Variants in PCDHA3 observed in about 807,000 individuals in gnomAD.
The protein encoded by PCDHA3 is protocadherin alpha-3.
Under a neutral mutation model 62.2 loss-of-function variants are expected in PCDHA3, and 41 were observed. The observed-to-expected ratio is 0.66, with a 90% CI of 0.51 to 0.86. The LOEUF is 0.86. PCDHA3 is among the 40% of genes least tolerant of loss of function. The pLI is 0.00. For synonymous variants in PCDHA3, 640 were observed against 555.4 expected (o/e 1.15, Z -2.14); for missense variants, 1,304 against 1,241.2 (o/e 1.05, Z -0.76).
rs2150155445 is a variant in PCDHA3, at chr5:140,828,452, G to A, written c.2394+24861G>A. ...GCCGCTGCAGGTTTTCCATGTGGAC[G>A]TGGAGGTGAGGGACATTAACGACAA... On this transcript the variant is annotated intron_variant, in intron 1 of 3. Coordinates refer to ENST00000522353, the MANE Select transcript of PCDHA3 (RefSeq NM_018906.3). The A allele has an allele frequency of 2.5e-6, 4 of 1,614,166 alleles. No individual in the cohort carries two copies. In the South Asian group the frequency reaches 4.4e-5, roughly 18 times the overall value.
intron 1 of PCDHA3, among the ~76,000 whole-genome samples, chr5:140,888,308 G>A (rs1383199158): frequency 1.3e-5 from 2 of 152,106 alleles, no homozygotes; most frequent in Non-Finnish European, 2.9e-5. Flanking sequence ...AGATAATTTG[G>A]CAATGCCTGG....
chr5:140,834,228 G>A (rs1772850652), intron 1 of PCDHA3: 1 of 716,682 alleles, frequency 1.4e-6, no homozygotes. Flanking sequence ...GCAAAAGGAA[G>A]TCATTCCTTT....
intron 1 of PCDHA3, chr5:140,884,384 G>C: frequency 6.2e-7 from 1 of 1,613,972 alleles, no homozygotes; most frequent in Non-Finnish European, 8.5e-7. Context: ...TGCCATCTGC[G>C]CGGTGTCCAG....
At chr5:140,979,779 G>C (rs778402540) in intron 2 of PCDHA3, among the ~76,000 whole-genome samples, 1 of 152,186 alleles carries the variant, frequency 6.6e-6, no homozygotes, top group Non-Finnish European at 1.5e-5. Flanking sequence ...AAATGGGAAG[G>C]ACCAAGAAAC....
At chr5:140,868,420 A>C (rs1554161960) in intron 1 of PCDHA3, 1 of 152,238 alleles carries the variant, frequency 6.6e-6, no homozygotes, top group Non-Finnish European at 1.5e-5. Flanking sequence ...AAGCCCACAG[A>C]GATGAGAATA....
chr5:140,968,608 T>A, intron 1 of PCDHA3: 1 of 1,614,242 alleles, frequency 6.2e-7, no homozygotes, highest in Non-Finnish European at 8.5e-7. Flanking sequence ...ACTCAGACTC[T>A]GGGCAAAATG....
chr5:140,824,626 T>G (rs2150135985), intron 1 of PCDHA3: 1 of 133,454 alleles, frequency 7.5e-6, no homozygotes, highest in South Asian at 2.3e-4. Context: ...TTTTTTTTTT[T>G]TTTTTTATTT....
chr5:140,875,173 A>G (rs567403390), intron 1 of PCDHA3: 75 of 394,970 alleles, frequency 1.9e-4, no homozygotes, highest in Non-Finnish European at 2.9e-4. Context: ...AAGTCGAAAC[A>G]TTAGAATTAA....
intron 1 of PCDHA3, chr5:140,808,887 C>T (rs782248203): frequency 5.6e-6 from 9 of 1,613,172 alleles, no homozygotes; most frequent in Non-Finnish European, 7.6e-6. Context: ...GCACTGCTAG[C>T]GCCTCGGGCG....
At chr5:140,914,964 T>A (rs1328203928) in intron 1 of PCDHA3, among the ~76,000 whole-genome samples, 18 of 131,662 alleles carry the variant, frequency 1.4e-4, no homozygotes, top group Non-Finnish European at 3.0e-4. Context: ...TTTTTTTTTC[T>A]GAGTCAGAGT....
intron 3 of PCDHA3, among the ~76,000 whole-genome samples, chr5:140,994,539 CA>C (rs35651294): frequency 0.48 from 72,467 of 151,372 alleles, 18,531 homozygotes; most frequent in African/African-American, 0.67. Flanking sequence ...CCCATCTCTA[CA>C]AAAAAAATAT....
At position 140,849,582 on chromosome 5, in the gene PCDHA3, G is replaced by A. The variant is rs2150441329; in HGVS notation, c.2394+45991G>A. On this transcript the variant is annotated intron_variant, in intron 1 of 3. Transcript: ENST00000522353. Reference sequence around the variant, plus strand: ...GCTCTCGGTTCCTGTAAAAGAGGACGCACAACTGGGGACAGTTATTGCCCT... The same window carrying A: ...GCTCTCGGTTCCTGTAAAAGAGGACACACAACTGGGGACAGTTATTGCCCT... 80 of 1,598,576 alleles carry A rather than the reference G, an allele frequency of 5.0e-5. 10 individuals are homozygous for A. Among genetic ancestry groups the A allele is most frequent in the Non-Finnish European group, 6.6e-5 (77 of 1,167,978 alleles).
chr5:140,869,233 T>G (rs782097851), intron 1 of PCDHA3: 7 of 1,613,700 alleles, frequency 4.3e-6, no homozygotes, highest in Non-Finnish European at 5.9e-6. Context: ...ACACGGCACC[T>G]TCGTGGGCCG....
rs782361309 is a variant in PCDHA3 at position 140,857,289 on chromosome 5, G to T, written c.2394+53698G>T. 3 of 1,598,578 alleles carry T rather than the reference G, an allele frequency of 1.9e-6. 1 individual carries two copies. Among genetic ancestry groups the T allele is most frequent in the Middle Eastern group, 1.7e-4 (1 of 5,944 alleles). ...TTGGTGCTGGACAGCGCTCTGGACC[G>T]CGAGAGGGTGTCGGCCTATGAGCTG... is the stretch of plus-strand genomic sequence containing the variant. On this transcript the variant is annotated intron_variant, in intron 1 of 3. Transcript: ENST00000522353.
At chr5:140,829,466 G>C (rs2150168443) in intron 1 of PCDHA3, 1 of 1,613,882 alleles carries the variant, frequency 6.2e-7, no homozygotes, top group East Asian at 2.2e-5. Context: ...CGCGCAGCCC[G>C]AGTACACAGT....
At chr5:140,805,078 CAAA>C in intron 1 of PCDHA3, 1 of 1,593,568 alleles carries the variant, frequency 6.3e-7, no homozygotes, top group African/African-American at 1.3e-5. Context: ...CTTCAATCTT[CAAA>C]TCCAGCTTGC....
chr5:141,009,863 A>G lies in PCDHA3; in HGVS notation c.2779A>G (p.Lys927Glu). 1 of 1,614,104 alleles carries G rather than the reference A, an allele frequency of 6.2e-7. No homozygotes were observed. Among genetic ancestry groups the G allele is most frequent in the Non-Finnish European group, 8.5e-7 (1 of 1,180,006 alleles). Residue 927 changes from lysine to glutamate, a missense_variant, in exon 4 of 4, where the codon AAA becomes GAA. Coordinates refer to ENST00000522353, the MANE Select transcript of PCDHA3 (RefSeq NM_018906.3). ...GKKEETKKKK[K>E]KKKGNKTQEK... ...AAAGGAGGAGACCAAGAAAAAGAAG[A>G]AAAAGAAGAAGGGTAACAAGACCCA...
chr5:140,886,844 A>AG lies in PCDHA3; in HGVS notation c.2394+83253_2394+83254insG, dbSNP rs1203919867. Among the ~76,000 whole-genome samples, 142 of 150,728 alleles carry AG rather than the reference A, an allele frequency of 9.4e-4. 2 individuals are homozygous for AG. Among genetic ancestry groups the AG allele is most frequent in the African/African-American group, 2.8e-3 (117 of 41,122 alleles). ...TTCGTCTTGAAAAAAAAAAAAAAAAAAAAGAAAGGTCTTCCCAACTCCTAT... is the reference window on the plus strand; with the variant it reads ...TTCGTCTTGAAAAAAAAAAAAAAAAAGAAAGAAAGGTCTTCCCAACTCCTAT... On this transcript the variant is annotated intron_variant, in intron 1 of 3. Coordinates refer to ENST00000522353, the MANE Select transcript of PCDHA3 (RefSeq NM_018906.3).
intron 1 of PCDHA3, among the ~76,000 whole-genome samples, chr5:140,898,022 T>A (rs1235447722): frequency 6.6e-6 from 1 of 152,202 alleles, no homozygotes; most frequent in Non-Finnish European, 1.5e-5. Flanking sequence ...CTTTGCCCAC[T>A]TTTTGATGGG....
Sources: gnomAD v4.1 joint callset for allele counts (sites outside exome capture counted in the v4.1 genomes callset) on GRCh38, gnomAD v4.1.1 for gene constraint, MANE v1.5 for transcripts, NCBI Gene and HGNC (gene_info 2026-07-23, HGNC 2026-07-21) for gene names.